Variants in CRYZ observed in about 807,000 individuals in gnomAD.
CRYZ encodes crystallin zeta, also known as zeta-crystallin.
CRYZ carries 35 observed loss-of-function variants against 34.1 expected under a neutral mutation model. The observed-to-expected ratio is 1.03, with a 90% CI of 0.78 to 1.36. The LOEUF (loss-of-function observed/expected upper bound fraction) is 1.36. CRYZ is among the 40% of genes most tolerant of loss of function. The pLI is 0.00. For synonymous variants in CRYZ, 137 were observed against 136.5 expected, an observed-to-expected ratio of 1.00 and a Z score of -0.03; for missense variants, 403 against 391.8, an observed-to-expected ratio of 1.03 and a Z score of -0.24.
chr1:74,716,765 C>T (rs927569933), intron 4 of CRYZ, among the ~76,000 whole-genome samples: 1 of 152,058 alleles, frequency 6.6e-6, no homozygotes, highest in East Asian at 1.9e-4. Flanking sequence ...GCCTTCCTTC[C>T]GTCCCTACTC....
Position 74,731,701 on chromosome 1 carries a change from C to T in CRYZ, c.-14+1255G>A, listed in dbSNP as rs537840956. ...GAGTAGAGCTTGGAGAGATTTGCTG[C>T]TGAACTCGCTGCGCTAACCAGACAC... is the stretch of plus-strand genomic sequence containing the variant. On this transcript the variant is annotated intron_variant, in intron 1 of 8. Coordinates refer to ENST00000340866, the MANE Select transcript of CRYZ (RefSeq NM_001889.4). Among the ~76,000 whole-genome samples the T allele has an allele frequency of 7.9e-5, 12 of 152,284 alleles. No individual in the cohort carries two copies. The East Asian group carries it at 2.3e-3, about 29-fold the overall frequency.
chr1:74,720,094 A>G (rs527943202), intron 3 of CRYZ, among the ~76,000 whole-genome samples: 24 of 152,230 alleles, frequency 1.6e-4, no homozygotes, highest in Admixed American at 1.2e-3. Flanking sequence ...AAGAAGTTCA[A>G]TAATTTCCTC....
chr1:74,722,269 GA>G (rs527880716), intron 3 of CRYZ, among the ~76,000 whole-genome samples: 167 of 152,172 alleles, frequency 1.1e-3, no homozygotes, highest in African/African-American at 3.9e-3. Context: ...AAAGTTTAAA[GA>G]AAAAGTTAAG....
At chr1:74,724,983 C>T in intron 1 of CRYZ, 149 bp from the exon 2 acceptor site, 2 of 547,138 alleles carry the variant, frequency 3.7e-6, no homozygotes, top group South Asian at 2.5e-5. Flanking sequence ...GTTTAAGGAC[C>T]TTTCATCTTA....
At chr1:74,720,160 G>A (rs989568982) in intron 3 of CRYZ, among the ~76,000 whole-genome samples, 3 of 152,040 alleles carry the variant, frequency 2.0e-5, no homozygotes, top group Admixed American at 2.0e-4. Flanking sequence ...TGTCCAAAAT[G>A]CTAGGGAGAA....
Position 74,706,903 on chromosome 1 carries a change from G to A in CRYZ, c.824C>T (p.Thr275Ile), listed in dbSNP as rs1569963395. The change falls in exon 8 of 9, where the codon ACC becomes ATC. Residue 275 changes from threonine to isoleucine, a missense_variant. Thr to Ile is a moderately conservative substitution (Grantham distance 89). Transcript: ENST00000340866. ...CAGAAGTACTTCTTTTCCTACCTTGGTTGAGGAAAAGAGAGTAACTCCAAT... is the reference window on the plus strand; with the variant it reads ...CAGAAGTACTTCTTTTCCTACCTTGATTGAGGAAAAGAGAGTAACTCCAAT... ...SIIGVTLFSS[T>I]KEEFQQYAAA... 1 of 1,610,588 alleles carries A rather than the reference G, an allele frequency of 6.2e-7. No individual in the cohort carries two copies. The highest frequency in any genetic ancestry group is 8.5e-7 in the Non-Finnish European group (1 of 1,177,606).
chr1:74,711,244 C>T (rs35497701), intron 5 of CRYZ, among the ~76,000 whole-genome samples: 55,060 of 151,952 alleles, frequency 0.36, 12,042 homozygotes, highest in Non-Finnish European at 0.5. Context: ...TGCAGAACCA[C>T]GGGAGAGCTT....
At chr1:74,707,352 C>A in intron 6 of CRYZ, 148 bp from the exon 7 acceptor site, 2 of 557,512 alleles carry the variant, frequency 3.6e-6, no homozygotes, top group South Asian at 5.0e-5. Flanking sequence ...TTTAAATAAT[C>A]TAATTATATA....
Position 74,707,167 on chromosome 1 carries a change from T to C in CRYZ, c.668A>G (p.Glu223Gly). The change falls in exon 7 of 9, where the codon GAA becomes GGA. Residue 223 changes from glutamate (E) to glycine (G), a missense_variant. By Grantham distance (98) the Glu-to-Gly change is moderately conservative (BLOSUM62 -2). Coordinates refer to ENST00000340866, the MANE Select transcript of CRYZ (RefSeq NM_001889.4). ...ACTAAGATTTACATTAGCTAACATT[T>C]CAATAATTATATCAATTCCTTTCTC... ...VGEKGIDIII[E>G]MLANVNLSKD... The C allele has an allele frequency of 1.3e-6, 2 of 1,582,000 alleles. No individual in the cohort carries two copies. Among genetic ancestry groups the C allele is most frequent in the South Asian group, 1.2e-5 (1 of 86,676 alleles).
chr1:74,706,833 C>G (rs1453952331), intron 8 of CRYZ, 66 bp downstream of exon 8: 2 of 1,325,752 alleles, frequency 1.5e-6, no homozygotes, highest in Non-Finnish European at 2.2e-6. Context: ...AAACTTTCAG[C>G]TTGCCTGAGT....
chr1:74,710,773 A>G (rs1646991434), intron 5 of CRYZ, among the ~76,000 whole-genome samples: 1 of 152,236 alleles, frequency 6.6e-6, no homozygotes, highest in Non-Finnish European at 1.5e-5. Flanking sequence ...CCATATGGTG[A>G]ATGTTTATAG....
chr1:74,708,786 T>C (rs1343169920), intron 6 of CRYZ: 1 of 152,026 alleles, frequency 6.6e-6, no homozygotes, highest in African/African-American at 2.4e-5. Context: ...CACAAGAGTA[T>C]ATGAGACTGA....
rs1242964190 is a variant in CRYZ at position 74,706,247 on chromosome 1, G to C, written c.*49C>G. The C allele has an allele frequency of 6.9e-7, 1 of 1,456,808 alleles. No individual in the cohort carries two copies. Among genetic ancestry groups the C allele is most frequent in the Non-Finnish European group, 9.3e-7 (1 of 1,080,296 alleles). 90.2% of individuals were successfully genotyped at this position (1,456,808 alleles called of 1,614,324 possible). On this transcript the variant is annotated 3_prime_UTR_variant, in exon 9 of 9. Coordinates refer to ENST00000340866, the MANE Select transcript of CRYZ (RefSeq NM_001889.4). Reference sequence around the variant, plus strand: ...AAAGATAGGGTAAGTACAACTGGGGGAAAGACAGTACCTCTAATTACATAG... The same window carrying C: ...AAAGATAGGGTAAGTACAACTGGGGCAAAGACAGTACCTCTAATTACATAG...
chr1:74,716,865 T>TC (rs1434355414), intron 4 of CRYZ, among the ~76,000 whole-genome samples: 1 of 152,154 alleles, frequency 6.6e-6, no homozygotes, highest in Non-Finnish European at 1.5e-5. Flanking sequence ...CCACCAGCAT[T>TC]CTAGCCCTGG....
chr1:74,719,101 T>C, intron 4 of CRYZ, 108 bp downstream of exon 4: 2 of 1,168,762 alleles, frequency 1.7e-6, no homozygotes, highest in Non-Finnish European at 2.5e-6. Flanking sequence ...GGTAAGTAAC[T>C]GGTAACCAAA....
chr1:74,710,219 C>T lies in CRYZ; in HGVS notation c.509G>A (p.Arg170Lys). The stretch of plus-strand genomic sequence containing the variant: ...GCCCAAAATCTTTAAGCCATAAGCT[C>T]TAGCAATTTGGCATGCTGCTAATCC... ...GVGLAACQIARAYGLKILGTA... is the reference protein window; with the variant it reads ...GVGLAACQIAKAYGLKILGTA... The change falls in exon 6 of 9, where the codon AGA (arginine) becomes AAA (lysine). Residue 170 changes from arginine (R) to lysine (K), a missense_variant. Transcript: ENST00000340866. 6.2e-7 allele frequency: 1 copy of T among 1,613,762 alleles called. No individual in the cohort carries two copies. The highest frequency in any genetic ancestry group is 2.2e-5 in the East Asian group (1 of 44,844).
chr1:74,732,939 T>G lies in CRYZ; in HGVS notation c.-14+17A>C. The G allele has an allele frequency of 5.5e-6, 2 of 366,846 alleles. No homozygotes were observed. Among genetic ancestry groups the G allele is most frequent in the South Asian group, 4.0e-5 (1 of 25,048 alleles). 22.7% of individuals were successfully genotyped at this position (366,846 alleles called of 1,614,324 possible). On this transcript the variant is annotated intron_variant, in intron 1 of 8. Transcript: ENST00000340866. ...TCGCTGTCTAAACAACTAAGGAGAG[T>G]TTTTAAAACCACTTACCAGAATCTA... is the stretch of plus-strand genomic sequence containing the variant.
At chr1:74,729,090 AT>A (rs1179978967) in intron 1 of CRYZ, among the ~76,000 whole-genome samples, 1 of 151,770 alleles carries the variant, frequency 6.6e-6, no homozygotes, top group African/African-American at 2.4e-5. Context: ...CCAGATGAGA[AT>A]TTTCCATGGT....
At chr1:74,715,211 A>C (rs1222096965) in intron 4 of CRYZ, among the ~76,000 whole-genome samples, 2 of 152,194 alleles carry the variant, frequency 1.3e-5, no homozygotes, top group East Asian at 3.8e-4. Context: ...ATTCTATCAC[A>C]AAGATTCCCA....
Sources: allele counts gnomAD v4.1 joint callset (sites outside exome capture counted in the v4.1 genomes callset), GRCh38; gene constraint gnomAD v4.1.1; transcripts MANE v1.5; gene names NCBI Gene and HGNC (gene_info 2026-07-23, HGNC 2026-07-21).